Variants in CADM2 observed in about 807,000 individuals in gnomAD.
CADM2 encodes the protein immunoglobulin superfamily member 4D.
Under a neutral mutation model 49.8 loss-of-function variants are expected in CADM2, and 12 were observed. The ratio of observed to expected loss-of-function variants is 0.24; its 90% CI spans 0.15 to 0.39. The LOEUF (loss-of-function observed/expected upper bound fraction) is 0.39. CADM2 is among the 10% of genes least tolerant of loss of function. The pLI is 1.00. For missense variants in CADM2, 378 were observed against 492.3 expected (o/e 0.77, Z 2.20); for synonymous variants, 214 against 175.4 (o/e 1.22, Z -1.74).
chr3:85,333,305 C>T (rs1051796005), intron 1 of CADM2, among the ~76,000 whole-genome samples: 79 of 151,412 alleles, frequency 5.2e-4, no homozygotes, highest in African/African-American at 1.9e-3. Flanking sequence ...TTAATATTAG[C>T]GAGCCATGTA....
chr3:85,264,396 G>C (rs1198858853), intron 1 of CADM2, among the ~76,000 whole-genome samples: 1 of 152,082 alleles, frequency 6.6e-6, no homozygotes, highest in Non-Finnish European at 1.5e-5. Flanking sequence ...CCACATAATA[G>C]ATAAAATGCT....
At chr3:85,663,653 T>C (rs943153208) in intron 1 of CADM2, among the ~76,000 whole-genome samples, 2 of 152,168 alleles carry the variant, frequency 1.3e-5, no homozygotes, top group Middle Eastern at 3.4e-3. Context: ...TGCAGAGCTC[T>C]AGCAATGGCT....
At chr3:85,488,764 C>T (rs1211007562) in intron 1 of CADM2, among the ~76,000 whole-genome samples, 1 of 152,000 alleles carries the variant, frequency 6.6e-6, no homozygotes, top group Non-Finnish European at 1.5e-5. Flanking sequence ...CTCTTGACCT[C>T]ATGATCTGCT....
rs544076476 is a variant in CADM2 at position 85,847,129 on chromosome 3, C to T, written c.239-36162C>T. 7.9e-5 allele frequency among the ~76,000 whole-genome samples: 12 copies of T among 152,274 alleles called. No homozygotes were observed. The South Asian group carries it at 2.5e-3, about 32-fold the overall frequency. ...ATACCAGTAATGATGTTGACATTAG[C>T]AGTGTGCCAGGCTGTTAATAACTTT... On this transcript the variant is annotated intron_variant, in intron 3 of 9. Transcript: ENST00000383699.
intron 7 of CADM2, among the ~76,000 whole-genome samples, chr3:85,942,776 A>G (rs959352351): frequency 3.3e-5 from 5 of 151,982 alleles, no homozygotes; most frequent in Non-Finnish European, 7.4e-5. Flanking sequence ...GCTATTGTGA[A>G]TAATGTCGCA....
intron 5 of CADM2, among the ~76,000 whole-genome samples, chr3:85,901,178 G>A (rs935443203): frequency 6.6e-5 from 10 of 151,984 alleles, no homozygotes; most frequent in Non-Finnish European, 1.5e-4. Flanking sequence ...TGGGTGACAA[G>A]GGCAAAACTC....
At chr3:85,227,579 C>T (rs1418433214) in intron 1 of CADM2, among the ~76,000 whole-genome samples, 1 of 151,334 alleles carries the variant, frequency 6.6e-6, no homozygotes, top group Non-Finnish European at 1.5e-5. Flanking sequence ...TGGGTCTTGA[C>T]TCTTTATCCA....
intron 1 of CADM2, among the ~76,000 whole-genome samples, chr3:85,288,708 T>A (rs1257073647): frequency 6.6e-6 from 1 of 151,712 alleles, no homozygotes; most frequent in Non-Finnish European, 1.5e-5. Context: ...AGTGTTGCAG[T>A]GTTGGTGTAT....
At chr3:85,515,633 T>A (rs9844110) in intron 1 of CADM2, among the ~76,000 whole-genome samples, 35,281 of 121,196 alleles carry the variant, frequency 0.29, 5,501 homozygotes, top group East Asian at 0.53. Context: ...ATATATATAT[T>A]TTTTTTTTTT....
intron 8 of CADM2, among the ~76,000 whole-genome samples, chr3:86,043,134 G>A (rs1193534515): frequency 1.3e-5 from 2 of 152,158 alleles, no homozygotes; most frequent in Non-Finnish European, 2.9e-5. Context: ...TACTGAATGG[G>A]CAAAAACTGG....
At chr3:85,244,538 C>T (rs2042606218) in intron 1 of CADM2, among the ~76,000 whole-genome samples, 1 of 152,090 alleles carries the variant, frequency 6.6e-6, no homozygotes, top group South Asian at 2.1e-4. Context: ...TGCAGAAATA[C>T]CTTTAGTTAT....
chr3:85,443,538 T>G (rs1327631188), intron 1 of CADM2, among the ~76,000 whole-genome samples: 1 of 152,182 alleles, frequency 6.6e-6, no homozygotes, highest in Non-Finnish European at 1.5e-5. Context: ...TGCTTCACTA[T>G]TTTGCTTTTG....
chr3:85,441,035 A>G (rs2037178288), intron 1 of CADM2, among the ~76,000 whole-genome samples: 2 of 152,148 alleles, frequency 1.3e-5, no homozygotes, highest in Admixed American at 6.5e-5. Flanking sequence ...TGGTATCTTT[A>G]TAATACCAAT....
At chr3:85,776,300 G>T (rs2070356896) in intron 2 of CADM2, among the ~76,000 whole-genome samples, 1 of 149,656 alleles carries the variant, frequency 6.7e-6, no homozygotes, top group South Asian at 2.1e-4. Context: ...TTAAAACATT[G>T]TAAATCTTAA....
At chr3:86,014,218 A>G (rs1256047240) in intron 8 of CADM2, 16 of 1,289,102 alleles carry the variant, frequency 1.2e-5, no homozygotes, top group Non-Finnish European at 1.7e-5. Context: ...AGATGGAGTA[A>G]CTGTGTAGCT....
chr3:85,668,219 A>G (rs1266107944), intron 1 of CADM2, among the ~76,000 whole-genome samples: 7 of 151,070 alleles, frequency 4.6e-5, no homozygotes, highest in African/African-American at 1.7e-4. Context: ...AAAATGACAA[A>G]GACTTCAAGC....
intron 1 of CADM2, among the ~76,000 whole-genome samples, chr3:84,969,275 ATG>A (rs1270855918): frequency 6.6e-6 from 1 of 151,974 alleles, no homozygotes; most frequent in Non-Finnish European, 1.5e-5. Context: ...TATAATAAAT[ATG>A]TTTTGACAAT....
intron 1 of CADM2, among the ~76,000 whole-genome samples, chr3:85,578,248 TGTAGTAGTTTCAAAACAAA>T: frequency 6.6e-6 from 1 of 152,236 alleles, no homozygotes; most frequent in East Asian, 1.9e-4. Context: ...CTAATGATTA[TGTAGTAGTTTCAAAACAAA>T]GCTAAAATTA....
chr3:85,538,137 G>T (rs991995518), intron 1 of CADM2, among the ~76,000 whole-genome samples: 1 of 151,870 alleles, frequency 6.6e-6, no homozygotes, highest in Admixed American at 6.6e-5. Flanking sequence ...ATCCTCCTTG[G>T]GTGTGGGGTT....
Sources: gnomAD v4.1 joint callset for allele counts (sites outside exome capture counted in the v4.1 genomes callset) on GRCh38, gnomAD v4.1.1 for gene constraint, MANE v1.5 for transcripts, NCBI Gene and HGNC (gene_info 2026-07-23, HGNC 2026-07-21) for gene names.